CES5A: variants seen among roughly 807,000 people sequenced by gnomAD.
CES5A encodes the protein carboxylesterase 5A.
A neutral mutation model predicts 62.9 loss-of-function variants in CES5A; 67 were observed. That is an observed-to-expected ratio of 1.07 (90% confidence interval 0.88 to 1.31). The LOEUF is 1.31. Among genes scored for constraint, CES5A ranks in the 50% most tolerant of loss-of-function variants. The pLI is 0.00. For missense variants in CES5A, 748 were observed against 708.5 expected, an observed-to-expected ratio of 1.06 and a Z score of -0.63; for synonymous variants, 296 against 280.8, an observed-to-expected ratio of 1.05 and a Z score of -0.54.
At chr16:55,954,659 G>C (rs919553222) in intron 1 of CES5A, among the ~76,000 whole-genome samples, 20 of 152,142 alleles carry the variant, frequency 1.3e-4, no homozygotes, top group African/African-American at 4.8e-4. Flanking sequence ...GCGGGAGAGA[G>C]GTGTGGAACC....
intron 1 of CES5A, among the ~76,000 whole-genome samples, chr16:55,892,258 C>T (rs2033888027): frequency 6.6e-6 from 1 of 152,124 alleles, no homozygotes; most frequent in South Asian, 2.1e-4. Context: ...CCCACACACC[C>T]CCACACCACC....
Position 55,931,786 on chromosome 16 carries a change from C to A in CES5A, c.160+17999G>T, listed in dbSNP as rs1262964237. Among the ~76,000 whole-genome samples the A allele has an allele frequency of 2.0e-5, 3 of 152,208 alleles. No homozygotes were observed. In the East Asian group the frequency reaches 5.8e-4, roughly 29 times the overall value. On this transcript the variant is annotated intron_variant, in intron 2 of 13. Transcript: ENST00000521992. The stretch of plus-strand genomic sequence containing the variant: ...TGACTCCTGGCCTCTCACTACTCAA[C>A]CATGAGATTTCTGAGGACAGGGACC...
At chr16:55,923,023 G>T (rs1430909570) in intron 1 of CES5A, among the ~76,000 whole-genome samples, 1 of 150,918 alleles carries the variant, frequency 6.6e-6, no homozygotes, top group East Asian at 1.9e-4. Flanking sequence ...ACTATATATG[G>T]GATACAGCAA....
At chr16:55,903,037 G>A (rs1238715549) in intron 1 of CES5A, among the ~76,000 whole-genome samples, 1 of 152,122 alleles carries the variant, frequency 6.6e-6, no homozygotes, top group Non-Finnish European at 1.5e-5. Flanking sequence ...TGGGGGAATG[G>A]CCATTTCACC....
chr16:55,898,814 C>T (rs1381012372), intron 1 of CES5A, among the ~76,000 whole-genome samples: 1 of 152,082 alleles, frequency 6.6e-6, no homozygotes, highest in African/African-American at 2.4e-5. Flanking sequence ...TGGTCCCAAC[C>T]CTGAGATCAT....
chr16:55,875,009 A>T, intron 1 of CES5A, 140 bp downstream of exon 1: 1 of 886,534 alleles, frequency 1.1e-6, no homozygotes, highest in East Asian at 2.4e-5. Context: ...CGGCAACAGC[A>T]GAATACTGAT....
intron 1 of CES5A, among the ~76,000 whole-genome samples, chr16:55,921,257 A>G (rs1297310784): frequency 6.6e-6 from 1 of 152,160 alleles, no homozygotes; most frequent in Non-Finnish European, 1.5e-5. Context: ...TAGGTATAGG[A>G]AGATCAGAGA....
In CES5A at chr16:55,873,879, C is replaced by T. The variant is rs769453143; in HGVS notation, c.232G>A (p.Ala78Thr). The change falls in exon 2 of 13, where the codon GCA becomes ACA. Residue 78 changes from alanine to threonine, a missense_variant. Ala to Thr is a moderately conservative substitution (Grantham distance 58, BLOSUM62 0). Coordinates refer to ENST00000290567, the MANE Select transcript of CES5A (RefSeq NM_001143685.2). ...GSLRFTNPQP[A>T]SPWDNLREAT... ...TCTCGCAAGTTATCCCAGGGCGATG[C>T]AGGCTGCGGGTTCGTAAATCGCAGG... 5.0e-6 allele frequency: 8 copies of T among 1,613,684 alleles called. No individual in the cohort carries two copies. The East Asian group carries it at 1.3e-4, about 27-fold the overall frequency.
At chr16:55,884,413 A>C (rs1460186329) in intron 1 of CES5A, among the ~76,000 whole-genome samples, 1 of 152,190 alleles carries the variant, frequency 6.6e-6, no homozygotes, top group Non-Finnish European at 1.5e-5. Flanking sequence ...CTTGGTGATC[A>C]TTAAAGTAAT....
At chr16:55,863,619 G>A (rs1296290596) in intron 5 of CES5A, among the ~76,000 whole-genome samples, 167 bp from the exon 6 acceptor site, 2 of 152,116 alleles carry the variant, frequency 1.3e-5, no homozygotes, top group Non-Finnish European at 2.9e-5. Context: ...GAAGGTTTGG[G>A]CAAGTTACTC....
chr16:55,846,942 T>A (rs11076121), intron 11 of CES5A, 102 bp from the exon 12 acceptor site: 1 of 956,018 alleles, frequency 1.0e-6, no homozygotes, highest in Non-Finnish European at 1.7e-6. Flanking sequence ...CCTCCCACTG[T>A]AAACTTACAA....
chr16:55,945,292 T>A (rs2034482594), intron 2 of CES5A, among the ~76,000 whole-genome samples: 1 of 152,322 alleles, frequency 6.6e-6, no homozygotes, highest in Admixed American at 6.5e-5. Context: ...TTAATGCCCA[T>A]ATTAATGGCT....
intron 1 of CES5A, among the ~76,000 whole-genome samples, chr16:55,953,081 G>A (rs985737897): frequency 6.6e-6 from 1 of 152,158 alleles, no homozygotes; most frequent in African/African-American, 2.4e-5. Context: ...ACATTAGAAA[G>A]CAATTGATGT....
chr16:55,923,970 G>A (rs1449923136), intron 1 of CES5A, among the ~76,000 whole-genome samples: 2 of 151,842 alleles, frequency 1.3e-5, no homozygotes, highest in East Asian at 1.9e-4. Context: ...TACTGAATGG[G>A]AAACAATTAA....
At chr16:55,951,346 A>AT (rs1343161031) in intron 1 of CES5A, among the ~76,000 whole-genome samples, 3 of 152,160 alleles carry the variant, frequency 2.0e-5, no homozygotes, top group Admixed American at 1.3e-4. Context: ...AGTTTTTAAT[A>AT]TTTTTTGCTG....
intron 1 of CES5A, among the ~76,000 whole-genome samples, chr16:55,900,878 A>C (rs1301388522): frequency 6.6e-6 from 1 of 152,192 alleles, no homozygotes; most frequent in African/African-American, 2.4e-5. Flanking sequence ...ACTTGTCTTT[A>C]AAGTGCACGT....
intron 2 of CES5A, among the ~76,000 whole-genome samples, chr16:55,947,853 G>A (rs1172350358): frequency 1.3e-5 from 2 of 152,048 alleles, no homozygotes; most frequent in Non-Finnish European, 2.9e-5. Context: ...CAGCAGGGGA[G>A]GGCCAGGTCA....
upstream of CES5A, among the ~76,000 whole-genome samples, chr16:55,928,699 C>T (rs2034281528): frequency 6.6e-6 from 1 of 152,130 alleles, no homozygotes; most frequent in African/African-American, 2.4e-5. Context: ...TTTTGACACC[C>T]ATCAAATATA....
chr16:55,866,206 G>T, intron 4 of CES5A, 90 bp from the exon 5 acceptor site: 1 of 1,320,378 alleles, frequency 7.6e-7, no homozygotes, highest in South Asian at 1.5e-5. Flanking sequence ...TGTGGGCAGG[G>T]GTCAGTGGGG....
Sources: gnomAD v4.1 joint callset for allele counts (sites outside exome capture counted in the v4.1 genomes callset) on GRCh38, gnomAD v4.1.1 for gene constraint, MANE v1.5 for transcripts, NCBI Gene and HGNC (gene_info 2026-07-23, HGNC 2026-07-21) for gene names.